Variants in SLC25A25 observed in about 807,000 individuals in gnomAD.
SLC25A25 encodes the protein solute carrier family 25 member 25.
SLC25A25 carries 32 observed loss-of-function variants against 57.7 expected under a neutral mutation model. The observed-to-expected ratio is 0.55, with a 90% confidence interval of 0.42 to 0.74. SLC25A25 has a LOEUF of 0.74. SLC25A25 is among the 30% of genes least tolerant of loss of function. The probability of loss-of-function intolerance (pLI) is 0.00; values close to 1 mark genes in which losing one functional copy is unlikely to be tolerated. For missense variants in SLC25A25, 556 were observed against 701.3 expected (o/e 0.79, Z 2.34); for synonymous variants, 306 against 291.2 (o/e 1.05, Z -0.52).
chr9:128,082,539 T>C (rs1232154731), intron 1 of SLC25A25, among the ~76,000 whole-genome samples: 1 of 152,236 alleles, frequency 6.6e-6, no homozygotes, highest in Non-Finnish European at 1.5e-5. Flanking sequence ...GGCACTGCCA[T>C]ATATCAGTAT....
At position 128,103,094 on chromosome 9, in the gene SLC25A25, G is replaced by A. The variant is rs1833876450; in HGVS notation, c.625-587G>A. On this transcript the variant is annotated intron_variant, in intron 5 of 10. Coordinates refer to ENST00000373069, the MANE Select transcript of SLC25A25 (RefSeq NM_001330988.2). The surrounding 1 kb of genome is among the most constrained non-coding windows in gnomAD (Gnocchi z 6.7). ...TCCTCATCTGCCTCTCGCAGTGCCA[G>A]GCCAGGGCTTGTTAGGTGAGATTAA... is the stretch of plus-strand genomic sequence containing the variant. Among the ~76,000 whole-genome samples the A allele has an allele frequency of 6.6e-6, 1 of 152,214 alleles. No individual in the cohort carries two copies. Among genetic ancestry groups the A allele is most frequent in the Admixed American group, 6.5e-5 (1 of 15,284 alleles).
At position 128,105,158 on chromosome 9, in the gene SLC25A25, CTTTTTTTTTTTTTT is replaced by C. The variant is rs11351573; in HGVS notation, c.784-556_784-543del. Among the ~76,000 whole-genome samples, 4 of 29,176 alleles carry C rather than the reference CTTTTTTTTTTTTTT, an allele frequency of 1.4e-4. No individual in the cohort carries two copies. In the Admixed American group the frequency reaches 1.7e-3, roughly 13 times the overall value. The allele number at this position is 29,176 out of a possible 152,430, so 19.1% of individuals were successfully genotyped here. On this transcript the variant is annotated intron_variant, in intron 6 of 10. Coordinates refer to ENST00000373069, the MANE Select transcript of SLC25A25 (RefSeq NM_001330988.2). The stretch of plus-strand genomic sequence containing the variant: ...ACAGATGTGAGCCAACACTCCCGGC[CTTTTTTTTTTTTTT>C]TTTTTTTTTTTTTTCTAAAATAGAG...
rs1381744930 is a variant in SLC25A25 at position 128,095,050 on chromosome 9, C to T, written c.262-6046C>T. ...GAGTGTCAAGAAGGCCGGTGTGAAGCATCAGGGCTGAAACCCGAGGCCTGC... is the reference window on the plus strand; with the variant it reads ...GAGTGTCAAGAAGGCCGGTGTGAAGTATCAGGGCTGAAACCCGAGGCCTGC... On this transcript the variant is annotated intron_variant, in intron 1 of 10. Transcript: ENST00000373069. The surrounding 1 kb of genome is among the most constrained non-coding windows in gnomAD (Gnocchi z 4.4). Among the ~76,000 whole-genome samples, 1 of 152,220 alleles carries T rather than the reference C, an allele frequency of 6.6e-6. No individual in the cohort carries two copies.
chr9:128,079,722 G>A (rs1306673580), intron 1 of SLC25A25, among the ~76,000 whole-genome samples: 3 of 151,612 alleles, frequency 2.0e-5, no homozygotes, highest in African/African-American at 4.9e-5. Context: ...GCCAGGCGCG[G>A]TGGCTCACGC....
intron 1 of SLC25A25, among the ~76,000 whole-genome samples, chr9:128,070,017 A>T (rs1411753395): frequency 7.2e-6 from 1 of 139,718 alleles, no homozygotes; most frequent in Non-Finnish European, 1.5e-5. Flanking sequence ...TCCCGGGTTC[A>T]CGCCATTCTC....
In SLC25A25 at chr9:128,106,230, C is replaced by T. The variant is rs777849436; in HGVS notation, c.1017C>T (p.Ile339=). The T allele has an allele frequency of 6.8e-6, 11 of 1,614,030 alleles. No homozygotes were observed. The highest frequency in any genetic ancestry group is 2.2e-5 in the South Asian group (2 of 91,088). The change falls in exon 8 of 11, where the codon ATC becomes ATT. Residue 339 remains isoleucine, a synonymous_variant. Transcript: ENST00000373069. ...RLVAGSLAGA[I]AQSSIYPMEV... is the part of the protein sequence containing the mutation. ...TGGCAGGGTCCTTGGCAGGGGCCATCGCCCAGAGCAGCATCTACCCAATGG... is the reference window on the plus strand; with the variant it reads ...TGGCAGGGTCCTTGGCAGGGGCCATTGCCCAGAGCAGCATCTACCCAATGG...
Position 128,103,722 on chromosome 9 carries a change from C to T in SLC25A25, c.666C>T (p.Phe222=). The change falls in exon 6 of 11, where the codon TTC becomes TTT. Residue 222 remains phenylalanine, a synonymous_variant. Coordinates refer to ENST00000373069, the MANE Select transcript of SLC25A25 (RefSeq NM_001330988.2). The surrounding 1 kb of genome is among the most constrained non-coding windows in gnomAD (Gnocchi z 6.7). ...VGENLTVPDE[F]TVEERQTGMW... The stretch of plus-strand genomic sequence containing the variant: ...AGAATCTAACGGTCCCGGATGAGTT[C>T]ACAGTGGAGGAGAGGCAGACGGGGA... 6.2e-7 allele frequency: 1 copy of T among 1,614,188 alleles called. No individual in the cohort carries two copies. The highest frequency in any genetic ancestry group is 8.5e-7 in the Non-Finnish European group (1 of 1,180,040).
At chr9:128,091,636 CCTT>C in intron 1 of SLC25A25, 1 of 1,195,526 alleles carries the variant, frequency 8.4e-7, no homozygotes, top group Non-Finnish European at 1.0e-6. Context: ...GCTGCTTTCT[CCTT>C]ATTGCCGGCA....
chr9:128,097,681 T>C (rs901494185), intron 1 of SLC25A25, among the ~76,000 whole-genome samples: 2 of 152,182 alleles, frequency 1.3e-5, no homozygotes, highest in African/African-American at 4.8e-5. Flanking sequence ...TGAGCGGACG[T>C]GGGCGTTGAA....
chr9:128,083,495 C>CTTTT (rs75968192), intron 1 of SLC25A25, among the ~76,000 whole-genome samples: 1 of 135,232 alleles, frequency 7.4e-6, no homozygotes. Flanking sequence ...GTTAATATTT[C>CTTTT]TTTTTTTTTT....
At chr9:128,104,831 AATTATTATT>A (rs57220788) in intron 6 of SLC25A25, among the ~76,000 whole-genome samples, 2,085 of 144,508 alleles carry the variant, frequency 0.014, 32 homozygotes, top group African/African-American at 0.02. Flanking sequence ...GATTTTTAAA[AATTATTATT>A]ATTATTATTA....
intron 1 of SLC25A25, among the ~76,000 whole-genome samples, chr9:128,077,073 GT>G (rs1270749882): frequency 2.0e-5 from 3 of 152,180 alleles, no homozygotes; most frequent in Admixed American, 6.5e-5. Context: ...TCTGAAATCT[GT>G]GGTCTTATCT....
At chr9:128,071,992 C>T (rs1222668620) in intron 1 of SLC25A25, among the ~76,000 whole-genome samples, 2 of 152,184 alleles carry the variant, frequency 1.3e-5, no homozygotes, top group Non-Finnish European at 2.9e-5. Flanking sequence ...GGATTACAGG[C>T]GCGAGCAACT....
In SLC25A25 at chr9:128,101,522, A is replaced by G. The variant is rs1006696495; in HGVS notation, c.476+126A>G. ...GCCTTCTCGTGGTTTGAAAGGATGA[A>G]TAAGTAACCCCTGTGGGAGGCCAGC... On this transcript the variant is annotated intron_variant, in intron 3 of 10. Coordinates refer to ENST00000373069, the MANE Select transcript of SLC25A25 (RefSeq NM_001330988.2). This position sits in a 1 kb window ranked among gnomAD's most constrained non-coding sequence, Gnocchi z 4.9. The G allele has an allele frequency of 3.3e-5, 34 of 1,041,944 alleles. No homozygotes were observed. The highest frequency in any genetic ancestry group is 1.4e-4 in the African/African-American group (9 of 62,850). 64.5% of individuals were successfully genotyped at this position (1,041,944 alleles called of 1,614,324 possible). A position where few individuals can be genotyped will look rare whatever the true frequency, so the allele number is the denominator to read the frequency against.
chr9:128,069,176 C>G (rs1353965574), intron 1 of SLC25A25, among the ~76,000 whole-genome samples: 2 of 152,072 alleles, frequency 1.3e-5, no homozygotes, highest in Non-Finnish European at 2.9e-5. Flanking sequence ...GGAGTGTGGA[C>G]GGAGTGAAAG....
chr9:128,070,521 G>A (rs1048949640), intron 1 of SLC25A25, among the ~76,000 whole-genome samples: 8 of 150,836 alleles, frequency 5.3e-5, no homozygotes, highest in Non-Finnish European at 8.9e-5. Context: ...GATTACAGGC[G>A]TGAGCCACCG....
At position 128,102,524 on chromosome 9, in the gene SLC25A25, C is replaced by G. The variant is rs776803031; in HGVS notation, c.624+43C>G. ...AGGGCCCTCATCTGCTCCCAGGGACCCTTAGCCCAGAGTCACCCAGTCGTC... is the reference window on the plus strand; with the variant it reads ...AGGGCCCTCATCTGCTCCCAGGGACGCTTAGCCCAGAGTCACCCAGTCGTC... On this transcript the variant is annotated intron_variant, in intron 5 of 10. Coordinates refer to ENST00000373069, the MANE Select transcript of SLC25A25 (RefSeq NM_001330988.2). The surrounding 1 kb of genome is among the most constrained non-coding windows in gnomAD (Gnocchi z 4.1). 12 of 1,536,804 alleles carry G rather than the reference C, an allele frequency of 7.8e-6. No individual in the cohort carries two copies. The Admixed American group carries it at 1.0e-4, about 13-fold the overall frequency.
chr9:128,096,936 G>A (rs1163878020), intron 1 of SLC25A25, among the ~76,000 whole-genome samples: 2 of 152,212 alleles, frequency 1.3e-5, no homozygotes, highest in African/African-American at 4.8e-5. Context: ...CCCAAGACCT[G>A]TTCTCACAGA....
chr9:128,088,365 A>G (rs1037010143), intron 1 of SLC25A25, among the ~76,000 whole-genome samples: 11 of 152,026 alleles, frequency 7.2e-5, no homozygotes, highest in Non-Finnish European at 1.5e-4. Flanking sequence ...GGTTCCTCCC[A>G]CCCATGCGCT....
Sources: gnomAD v4.1 joint callset for allele counts (sites outside exome capture counted in the v4.1 genomes callset) on GRCh38, gnomAD v4.1.1 for gene constraint, Gnocchi (gnomAD v3.1) non-coding constraint, MANE v1.5 for transcripts, NCBI Gene and HGNC (gene_info 2026-07-23, HGNC 2026-07-21) for gene names.